The following SYNPO variants were observed in gnomAD, a reference collection of about 807,000 sequenced individuals.
The protein encoded by SYNPO is synaptopodin.
A neutral mutation model predicts 49.5 loss-of-function variants in SYNPO; 19 were observed. The ratio of observed to expected loss-of-function variants is 0.38; its 90% confidence interval spans 0.27 to 0.56. SYNPO has a LOEUF of 0.56. Among genes scored for constraint, SYNPO ranks in the 20% least tolerant of loss-of-function variants. The pLI, the probability that SYNPO is intolerant of heterozygous loss-of-function variation, is 0.68. For synonymous variants in SYNPO, 536 were observed against 548.0 expected (o/e 0.98, Z 0.31); for missense variants, 1,131 against 1,248.3 (o/e 0.91, Z 1.42).
intron 2 of SYNPO, among the ~76,000 whole-genome samples, chr5:150,633,165 T>C (rs1215639055): frequency 6.6e-6 from 1 of 152,186 alleles, no homozygotes; most frequent in East Asian, 1.9e-4. Context: ...GTTCCTGCCT[T>C]CCAGGAGCTC....
In SYNPO at chr5:150,649,367, G is replaced by A. The variant is rs140136614; in HGVS notation, c.1092G>A (p.Thr364=). 21 of 1,614,062 alleles carry A rather than the reference G, an allele frequency of 1.3e-5. No individual in the cohort carries two copies. The highest frequency in any genetic ancestry group is 4.5e-5 in the East Asian group (2 of 44,898). The change falls in exon 2 of 3, where the codon ACG becomes ACA. Residue 364 remains threonine (T), a synonymous_variant. Coordinates refer to ENST00000307662, the MANE Select transcript of SYNPO (RefSeq NM_007286.6). ...LKGQAVPASK[T]GILEESMARR... ...GCCAGGCGGTTCCTGCCAGCAAGAC[G>A]GGCATTCTGGAGGAGTCGATGGCCC... is the stretch of plus-strand genomic sequence containing the variant.
Position 150,650,077 on chromosome 5 carries a change from A to G in SYNPO, c.1802A>G (p.Asn601Ser), listed in dbSNP as rs766926614. Reference protein sequence around the residue: ...AKPSSLDLVPNLPKGALPPSP... With the variant: ...AKPSSLDLVPSLPKGALPPSP... ...CCCAGCTCCTTGGACCTGGTGCCCA[A>G]CCTGCCCAAGGGGGCTCTCCCTCCA... Residue 601 changes from asparagine to serine, a missense_variant, in exon 2 of 3, where the codon AAC (asparagine) becomes AGC (serine). Around this residue, in one of 4 missense-constraint regions of SYNPO, gnomAD observed 509 missense variants for 484.5 expected, o/e 1.05. Transcript: ENST00000307662. 6.7e-5 allele frequency: 108 copies of G among 1,613,148 alleles called. No individual in the cohort carries two copies. In the Middle Eastern group the frequency reaches 9.9e-4, roughly 15 times the overall value.
rs1031685259 is a variant in SYNPO, at chr5:150,649,512, G to A, written c.1237G>A (p.Glu413Lys). 1 of 1,612,684 alleles carries A rather than the reference G, an allele frequency of 6.2e-7. No homozygotes were observed. Among genetic ancestry groups the A allele is most frequent in the Admixed American group, 1.7e-5 (1 of 59,826 alleles). Reference sequence around the variant, plus strand: ...GAAGCGGCGGCAGAGGGACCAGGGGGAGGTAGGCGTGGAGGAGGAGCCCTT... The same window carrying A: ...GAAGCGGCGGCAGAGGGACCAGGGGAAGGTAGGCGTGGAGGAGGAGCCCTT... Reference protein sequence around the residue: ...DEKRRQRDQGEVGVEEEPFAL... With the variant: ...DEKRRQRDQGKVGVEEEPFAL... Residue 413 changes from glutamate to lysine, a missense_variant, in exon 2 of 3, where the codon GAG becomes AAG. Glu to Lys is a moderately conservative substitution (Grantham distance 56). This residue lies in a region of SYNPO where 602 missense variants were observed against 720.7 expected (regional missense o/e 0.84). Transcript: ENST00000307662.
rs1280761138 is a variant in SYNPO, at chr5:150,649,196, A to G, written c.921A>G (p.Ser307=). The G allele has an allele frequency of 6.2e-7, 1 of 1,614,072 alleles. No homozygotes were observed. The highest frequency in any genetic ancestry group is 1.1e-5 in the South Asian group (1 of 91,076). The change falls in exon 2 of 3, where the codon TCA becomes TCG. Residue 307 remains serine (S), a synonymous_variant. Transcript: ENST00000307662. ...RRMMGQRSPA[S]ERRPLGNFTA... ...TGATGGGGCAGCGAAGCCCGGCCTC[A>G]GAGAGACGCCCCTTGGGGAACTTCA...
chr5:150,618,188 C>T lies in SYNPO; in HGVS notation c.-180C>T, dbSNP rs1757033726. On this transcript the variant is annotated 5_prime_UTR_variant, in exon 2 of 3. Coordinates refer to the SYNPO transcript ENST00000394243. ...CTCCACTAGCCCAGGAAGGACTTATCTTTCGTCTCAGCCAGACCTCACCCC... is the reference window on the plus strand; with the variant it reads ...CTCCACTAGCCCAGGAAGGACTTATTTTTCGTCTCAGCCAGACCTCACCCC... 8.4e-6 allele frequency: 6 copies of T among 718,470 alleles called. No homozygotes were observed. In the South Asian group the frequency reaches 1.5e-4, roughly 18 times the overall value. The allele number at this position is 718,470 out of a possible 1,614,324, so 44.5% of individuals were successfully genotyped here. A position where few individuals can be genotyped will look rare whatever the true frequency, so the allele number is the denominator to read the frequency against.
rs537246476 is a variant in SYNPO, at chr5:150,635,463, A to AT, written c.401-12474dup. On this transcript the variant is annotated intron_variant, in intron 2 of 2. Transcript: ENST00000394243. ...AAGGAGAAGGGCCATTAAAGAAAAC[A>AT]TTTTTTTGTTTGTTTGGTTTTTTTA... Among the ~76,000 whole-genome samples, 3 of 152,188 alleles carry AT rather than the reference A, an allele frequency of 2.0e-5. No homozygotes were observed. In the South Asian group the frequency reaches 6.2e-4, roughly 32 times the overall value.
At chr5:150,599,039 G>T (rs1756474017), upstream of SYNPO, among the ~76,000 whole-genome samples, 1 of 151,746 alleles carries the variant, frequency 6.6e-6, no homozygotes. Context: ...CTGATTCTGG[G>T]GCCGGATGCA....
At chr5:150,599,232 G>A (rs1363253025), upstream of SYNPO, among the ~76,000 whole-genome samples, 1 of 152,222 alleles carries the variant, frequency 6.6e-6, no homozygotes, top group Non-Finnish European at 1.5e-5. Context: ...GTGAAACGAC[G>A]ATCTCTGCTT....
rs1224402014 is a variant in SYNPO at position 150,614,026 on chromosome 5, G to A, written c.-265-4077G>A. The stretch of plus-strand genomic sequence containing the variant: ...GTGCACACCAAGCACTTGGGGCCCC[G>A]AATGCCAGGCTCACCAAGCGTCTGT... On this transcript the variant is annotated intron_variant, in intron 1 of 2. Coordinates refer to the SYNPO transcript ENST00000394243. Among the ~76,000 whole-genome samples the A allele has an allele frequency of 4.6e-5, 7 of 152,202 alleles. No homozygotes were observed. In the South Asian group the frequency reaches 1.5e-3, roughly 32 times the overall value.
At chr5:150,588,776 C>CA in the SYNPO span, among the ~76,000 whole-genome samples, 148 of 151,024 alleles carry the variant, frequency 9.8e-4, no homozygotes, top group African/African-American at 2.5e-3. Flanking sequence ...AATATGGAAC[C>CA]TTTTTTTTTA....
At chr5:150,598,712 G>T (rs1268789817), upstream of SYNPO, among the ~76,000 whole-genome samples, 1 of 151,938 alleles carries the variant, frequency 6.6e-6, no homozygotes, top group Non-Finnish European at 1.5e-5. Flanking sequence ...TTCTAAAGAG[G>T]CCTCTGAACT....
chr5:150,612,092 A>G (rs1404570912), intron 1 of SYNPO, among the ~76,000 whole-genome samples: 1 of 152,212 alleles, frequency 6.6e-6, no homozygotes, highest in African/African-American at 2.4e-5. Context: ...GAGAAACACT[A>G]AGGCAGGAAC....
Position 150,648,484 on chromosome 5 carries a change from A to G in SYNPO, c.209A>G (p.Asn70Ser), listed in dbSNP as rs750298045. 4 of 1,614,144 alleles carry G rather than the reference A, an allele frequency of 2.5e-6. No individual in the cohort carries two copies. The highest frequency in any genetic ancestry group is 2.2e-5 in the South Asian group (2 of 91,072). The change falls in exon 2 of 3, where the codon AAC (asparagine) becomes AGC (serine). Residue 70 changes from asparagine (N) to serine (S), a missense_variant. Asn to Ser is a conservative substitution (Grantham distance 46). Around this residue, in one of 4 missense-constraint regions of SYNPO, gnomAD observed 602 missense variants for 720.7 expected, o/e 0.84. Coordinates refer to ENST00000307662, the MANE Select transcript of SYNPO (RefSeq NM_007286.6). The surrounding 1 kb of genome is among the most constrained non-coding windows in gnomAD (Gnocchi z 5.0). ...GTCCACAGCCCAGCTGCAGATGTCA[A>G]CCAAAACCTTGCCTCGCCCAGTGCC... ...AEVHSPAADV[N>S]QNLASPSATL... is the part of the protein sequence containing the mutation.
chr5:150,592,662 C>G, the SYNPO span, among the ~76,000 whole-genome samples: 83 of 152,306 alleles, frequency 5.4e-4, no homozygotes, highest in South Asian at 1.5e-3. Context: ...GCCCGAGCAC[C>G]CTTCCTCCCA....
intron 2 of SYNPO, among the ~76,000 whole-genome samples, chr5:150,635,257 A>G (rs1757677262): frequency 6.6e-6 from 1 of 152,220 alleles, no homozygotes; most frequent in Non-Finnish European, 1.5e-5. Context: ...GTGCCTGGGC[A>G]CGCTCTGCTG....
chr5:150,586,495 CA>C, the SYNPO span, among the ~76,000 whole-genome samples: 5 of 152,242 alleles, frequency 3.3e-5, no homozygotes, highest in South Asian at 1.0e-3. Context: ...AATAGCACTT[CA>C]AAAACTGAGG....
Position 150,648,443 on chromosome 5 carries a change from C to T in SYNPO, c.168C>T (p.Ala56=), listed in dbSNP as rs751918002. The part of the protein sequence containing the change: ...QNREAQQSSP[A]PPPAEVHSPA... The stretch of plus-strand genomic sequence containing the variant: ...GAGAGGCCCAGCAGTCCTCACCGGC[C>T]CCACCTCCAGCTGAGGTCCACAGCC... Residue 56 remains alanine, a synonymous_variant, in exon 2 of 3, where the codon GCC becomes GCT. Coordinates refer to ENST00000307662, the MANE Select transcript of SYNPO (RefSeq NM_007286.6). The surrounding 1 kb of genome is among the most constrained non-coding windows in gnomAD (Gnocchi z 5.0). 6.2e-7 allele frequency: 1 copy of T among 1,614,186 alleles called. No homozygotes were observed. Among genetic ancestry groups the T allele is most frequent in the Non-Finnish European group, 8.5e-7 (1 of 1,180,012 alleles).
rs1477276650 is a variant in SYNPO, at chr5:150,650,078, C to G, written c.1803C>G (p.Asn601Lys). 1.4e-5 allele frequency: 22 copies of G among 1,613,526 alleles called. No homozygotes were observed. The highest frequency in any genetic ancestry group is 1.8e-5 in the Non-Finnish European group (21 of 1,179,988). The change falls in exon 2 of 3, where the codon AAC (asparagine) becomes AAG (lysine). Residue 601 changes from asparagine (N) to lysine (K), a missense_variant. Asn to Lys is a moderately conservative substitution (Grantham distance 94). This residue lies in a region of SYNPO where 509 missense variants were observed against 484.5 expected (regional missense o/e 1.05). Coordinates refer to ENST00000307662, the MANE Select transcript of SYNPO (RefSeq NM_007286.6). Reference sequence around the variant, plus strand: ...CCAGCTCCTTGGACCTGGTGCCCAACCTGCCCAAGGGGGCTCTCCCTCCAT... The same window carrying G: ...CCAGCTCCTTGGACCTGGTGCCCAAGCTGCCCAAGGGGGCTCTCCCTCCAT... Reference protein sequence around the residue: ...AKPSSLDLVPNLPKGALPPSP... With the variant: ...AKPSSLDLVPKLPKGALPPSP...
Position 150,607,649 on chromosome 5 carries a change from T to A in SYNPO, c.-266+6461T>A, listed in dbSNP as rs541697180. The stretch of plus-strand genomic sequence containing the variant: ...TGACCCAGGTCTCACAGCTGGTACG[T>A]GGCAGAATGCAGTGCTGGAGTATGG... On this transcript the variant is annotated intron_variant, in intron 1 of 2. Transcript: ENST00000394243. Among the ~76,000 whole-genome samples the A allele has an allele frequency of 3.9e-5, 6 of 152,316 alleles. No individual in the cohort carries two copies. In the South Asian group the frequency reaches 1.2e-3, roughly 32 times the overall value.
Sources: gnomAD v4.1 joint callset for allele counts (sites outside exome capture counted in the v4.1 genomes callset) on GRCh38, gnomAD v4.1.1 for gene constraint, gnomAD v4.1.1 regional missense constraint, Gnocchi (gnomAD v3.1) non-coding constraint, MANE v1.5 for transcripts, NCBI Gene and HGNC (gene_info 2026-07-23, HGNC 2026-07-21) for gene names.